SYNPR: variants seen among roughly 807,000 people sequenced by gnomAD.
The protein encoded by SYNPR is synaptoporin.
Under a neutral mutation model 32.9 loss-of-function variants are expected in SYNPR, and 23 were observed. That is an observed-to-expected ratio of 0.70 (90% CI 0.50 to 0.99). SYNPR has a LOEUF of 0.99. Among genes scored for constraint, SYNPR ranks in the 50% least tolerant of loss-of-function variants. The pLI, the probability that SYNPR is intolerant of heterozygous loss-of-function variation, is 0.00. For synonymous variants in SYNPR, 146 were observed against 135.9 expected (o/e 1.07, Z -0.52); for missense variants, 318 against 349.3 (o/e 0.91, Z 0.71).
At chr3:63,325,654 G>T (rs1401629562) in intron 2 of SYNPR, among the ~76,000 whole-genome samples, 1 of 151,974 alleles carries the variant, frequency 6.6e-6, no homozygotes, top group Non-Finnish European at 1.5e-5. Context: ...TCCAAATGGA[G>T]ACTGAGCAAA....
the SYNPR span, among the ~76,000 whole-genome samples, chr3:63,218,804 C>T: frequency 1.3e-5 from 2 of 152,094 alleles, no homozygotes; most frequent in Non-Finnish European, 2.9e-5. Context: ...ATGAGCTCTC[C>T]GGGAGGGCTG....
chr3:63,527,035 C>A (rs1702025606), intron 3 of SYNPR, among the ~76,000 whole-genome samples: 1 of 152,080 alleles, frequency 6.6e-6, no homozygotes, highest in Non-Finnish European at 1.5e-5. Flanking sequence ...CAGAGACAAT[C>A]AGGAAATCCT....
chr3:63,484,859 T>A (rs1701115426), intron 3 of SYNPR, among the ~76,000 whole-genome samples: 1 of 152,186 alleles, frequency 6.6e-6, no homozygotes, highest in Non-Finnish European at 1.5e-5. Flanking sequence ...CGAAAATTTA[T>A]CAAGGACAAA....
the SYNPR span, among the ~76,000 whole-genome samples, chr3:63,201,572 T>A: frequency 6.6e-6 from 1 of 152,228 alleles, no homozygotes; most frequent in East Asian, 1.9e-4. Flanking sequence ...TGGTACTGAT[T>A]GGGAGATATC....
chr3:63,593,734 T>C (rs1699880891), intron 4 of SYNPR, among the ~76,000 whole-genome samples: 1 of 152,178 alleles, frequency 6.6e-6, no homozygotes. Context: ...CCAGACCTTG[T>C]AACAGAAGAA....
chr3:63,529,864 GA>G (rs1220303440), intron 3 of SYNPR, among the ~76,000 whole-genome samples: 1 of 152,102 alleles, frequency 6.6e-6, no homozygotes, highest in Admixed American at 6.5e-5. Flanking sequence ...ACACTCAGGC[GA>G]AAAGGATACA....
At chr3:63,413,868 CA>C (rs58276625) in intron 2 of SYNPR, among the ~76,000 whole-genome samples, 1 of 151,458 alleles carries the variant, frequency 6.6e-6, no homozygotes. Flanking sequence ...TGAACATTAT[CA>C]AAAAAAATGA....
At chr3:63,445,545 A>G (rs1298249955) in intron 2 of SYNPR, 1 of 701,068 alleles carries the variant, frequency 1.4e-6, no homozygotes, top group South Asian at 1.5e-5. Context: ...TCTTTTTAGC[A>G]TAATGAAGAA....
chr3:63,444,446 T>G (rs376255506), intron 2 of SYNPR: 1 of 152,194 alleles, frequency 6.6e-6, no homozygotes, highest in Non-Finnish European at 1.5e-5. Flanking sequence ...CTTTTTGTTA[T>G]ACAATCAACA....
intron 3 of SYNPR, among the ~76,000 whole-genome samples, chr3:63,520,062 T>C (rs1559524586): frequency 6.6e-6 from 1 of 152,210 alleles, no homozygotes; most frequent in Non-Finnish European, 1.5e-5. Context: ...AACCTGCTTT[T>C]TTCACAGAAT....
chr3:63,256,181 T>C (rs903571785), intron 2 of SYNPR, among the ~76,000 whole-genome samples: 4 of 152,174 alleles, frequency 2.6e-5, no homozygotes, highest in Non-Finnish European at 4.4e-5. Context: ...GAAACCTCTG[T>C]AGACTTAAAT....
chr3:63,604,032 T>C (rs1220537006), intron 4 of SYNPR, among the ~76,000 whole-genome samples: 1 of 152,166 alleles, frequency 6.6e-6, no homozygotes, highest in Non-Finnish European at 1.5e-5. Flanking sequence ...CAGAAGTCAT[T>C]ATTAGTCTGT....
chr3:63,418,664 C>A (rs1425296525), intron 2 of SYNPR, among the ~76,000 whole-genome samples: 2 of 152,338 alleles, frequency 1.3e-5, no homozygotes, highest in African/African-American at 4.8e-5. Flanking sequence ...ACGTCTTACA[C>A]AACATGGCAG....
chr3:63,270,241 T>C (rs573268026), intron 3 of SYNPR, among the ~76,000 whole-genome samples: 15 of 152,318 alleles, frequency 9.8e-5, no homozygotes, highest in African/African-American at 3.6e-4. Flanking sequence ...GATAAACCTA[T>C]GGACCACCAG....
intron 3 of SYNPR, among the ~76,000 whole-genome samples, chr3:63,486,823 A>C (rs1701164274): frequency 6.6e-6 from 1 of 152,186 alleles, no homozygotes; most frequent in African/African-American, 2.4e-5. Flanking sequence ...TTTTCAGTTC[A>C]GGTCTTATAC....
chr3:63,265,238 A>ATTTTTTTTTT (rs1560172997), intron 2 of SYNPR, among the ~76,000 whole-genome samples: 23 of 87,870 alleles, frequency 2.6e-4, no homozygotes, highest in South Asian at 4.7e-4. Context: ...TTCTAATGAC[A>ATTTTTTTTTT]TTCTTTTTTT....
intron 2 of SYNPR, among the ~76,000 whole-genome samples, chr3:63,404,750 A>G (rs984344879): frequency 2.0e-5 from 3 of 152,156 alleles, no homozygotes; most frequent in African/African-American, 2.4e-5. Context: ...TATTTATCCT[A>G]TTATTATTTT....
chr3:63,539,321 G>T (rs1559530264), intron 3 of SYNPR, among the ~76,000 whole-genome samples: 1 of 152,092 alleles, frequency 6.6e-6, no homozygotes, highest in Admixed American at 6.6e-5. Context: ...ATTTTCACAA[G>T]TTTTAATTCC....
chr3:63,595,475 A>C lies in SYNPR; in HGVS notation c.409-13650A>C, dbSNP rs1435959138. Among the ~76,000 whole-genome samples the C allele has an allele frequency of 1.1e-4, 17 of 151,522 alleles. 1 individual carries two copies. In the Admixed American group the frequency reaches 1.1e-3, roughly 10 times the overall value. On this transcript the variant is annotated intron_variant, in intron 4 of 5. Transcript: ENST00000478300. ...GGGGATTAGTGGGATTTGTCTAAGC[A>C]CACTCAATGTCAGGAAGAAGAGGGA...
Sources: gnomAD v4.1 joint callset for allele counts (sites outside exome capture counted in the v4.1 genomes callset) on GRCh38, gnomAD v4.1.1 for gene constraint, MANE v1.5 for transcripts, NCBI Gene and HGNC (gene_info 2026-07-23, HGNC 2026-07-21) for gene names.